The following THBS2 variants were observed in gnomAD, a reference collection of about 807,000 sequenced individuals.
The protein encoded by THBS2 is thrombospondin-2.
A neutral mutation model predicts 135.2 loss-of-function variants in THBS2; 47 were observed. That is an observed-to-expected ratio of 0.35 (90% CI 0.28 to 0.44). The LOEUF (loss-of-function observed/expected upper bound fraction) is 0.44, where lower values mean the gene tolerates loss of function less well. Ranked by LOEUF, THBS2 falls within the 20% of genes least tolerant of loss-of-function variation. The pLI is 1.00. For synonymous variants in THBS2, 639 were observed against 633.8 expected (o/e 1.01, Z -0.12); for missense variants, 1,288 against 1,603.1 (o/e 0.80, Z 3.36).
intron 15 of THBS2, among the ~76,000 whole-genome samples, chr6:169,226,887 G>A (rs903504801): frequency 2.6e-5 from 4 of 152,226 alleles, no homozygotes; most frequent in African/African-American, 7.2e-5. Flanking sequence ...CCAGAACTGA[G>A]CTGAGACGCT....
At chr6:169,247,563 G>C (rs570648529) in intron 3 of THBS2, among the ~76,000 whole-genome samples, 1 of 152,178 alleles carries the variant, frequency 6.6e-6, no homozygotes, top group Admixed American at 6.5e-5. Flanking sequence ...TGTTTGTGTA[G>C]GTATGTAAAT....
At chr6:169,224,074 G>A (rs1018399895) in intron 17 of THBS2, among the ~76,000 whole-genome samples, 14 of 152,124 alleles carry the variant, frequency 9.2e-5, no homozygotes, top group East Asian at 5.8e-4. Flanking sequence ...ATCAGTCTAC[G>A]GCGATGACGA....
intron 3 of THBS2, among the ~76,000 whole-genome samples, chr6:169,248,182 T>C (rs1253181249): frequency 1.3e-5 from 2 of 151,856 alleles, no homozygotes; most frequent in African/African-American, 4.8e-5. Flanking sequence ...TGTTTGTGTG[T>C]GTGTGTGGTG....
intron 21 of THBS2, chr6:169,219,946 A>G (rs531075264): frequency 3.8e-5 from 23 of 599,200 alleles, no homozygotes; most frequent in African/African-American, 3.7e-4. Flanking sequence ...TGGCACAATG[A>G]GGATGGGTGG....
At chr6:169,220,139 C>T in intron 21 of THBS2, 59 bp downstream of exon 21, 2 of 1,584,526 alleles carry the variant, frequency 1.3e-6, no homozygotes, top group Non-Finnish European at 1.7e-6. Context: ...CACTGTGTAC[C>T]CCTTTCCCTT....
rs1485357321 is a variant in THBS2, at chr6:169,217,346, T to G, written c.*476A>C. The stretch of plus-strand genomic sequence containing the variant: ...TATAATTTATTTAATGGGATTTGTG[T>G]GTCATTGTAGAGCAACTCTAATTCA... On this transcript the variant is annotated 3_prime_UTR_variant, in exon 22 of 22. Transcript: ENST00000617924. The G allele has an allele frequency of 6.4e-6, 1 of 155,916 alleles. No individual in the cohort carries two copies. Among genetic ancestry groups the G allele is most frequent in the African/African-American group, 2.4e-5 (1 of 41,588 alleles). The allele number at this position is 155,916 out of a possible 1,614,324, so 9.7% of individuals were successfully genotyped here. A position where few individuals can be genotyped will look rare whatever the true frequency, so the allele number is the denominator to read the frequency against.
At chr6:169,227,955 C>T (rs1239586095) in intron 15 of THBS2, among the ~76,000 whole-genome samples, 167 bp downstream of exon 15, 7 of 152,086 alleles carry the variant, frequency 4.6e-5, no homozygotes, top group Non-Finnish European at 7.4e-5. Context: ...GTGGTGTGCA[C>T]CTGTGATCCC....
chr6:169,217,640 G>GAT lies in THBS2; in HGVS notation c.*180_*181dup. On this transcript the variant is annotated 3_prime_UTR_variant, in exon 22 of 22. Coordinates refer to ENST00000617924, the MANE Select transcript of THBS2 (RefSeq NM_003247.5). The stretch of plus-strand genomic sequence containing the variant: ...TAGATGTTCATCTCTGAGTTCCATT[G>GAT]ATATTTATCCTCTGAAGGCACTTGG... 1 of 565,100 alleles carries GAT rather than the reference G, an allele frequency of 1.8e-6. No individual in the cohort carries two copies. Among genetic ancestry groups the GAT allele is most frequent in the Non-Finnish European group, 3.1e-6 (1 of 324,534 alleles). 35.0% of individuals were successfully genotyped at this position (565,100 alleles called of 1,614,324 possible). A position where few individuals can be genotyped will look rare whatever the true frequency, so the allele number is the denominator to read the frequency against.
intron 2 of THBS2, among the ~76,000 whole-genome samples, chr6:169,249,953 C>A (rs1780697167): frequency 6.6e-6 from 1 of 151,958 alleles, no homozygotes; most frequent in Non-Finnish European, 1.5e-5. Context: ...TGGCGTGAAC[C>A]CGGGAGGCAG....
Position 169,241,876 on chromosome 6 carries a change from C to T in THBS2, c.777G>A (p.Ser259=), listed in dbSNP as rs61730651. ...HVTTEYVGPS[S]ERRPEVCERS... ...GTTCGCACACCTCGGGCCTCCTCTC[C>T]GAGCTGGGGCCCACGTACTCGGTGG... is the stretch of plus-strand genomic sequence containing the variant. Residue 259 remains serine, a synonymous_variant, in exon 5 of 22, where the codon TCG becomes TCA. Coordinates refer to ENST00000617924, the MANE Select transcript of THBS2 (RefSeq NM_003247.5). This position sits in a 1 kb window ranked among gnomAD's most constrained non-coding sequence, Gnocchi z 5.5. 286,261 of 1,612,152 alleles carry T rather than the reference C, an allele frequency of 0.18. 27,851 individuals carry two copies. The highest frequency in any genetic ancestry group is 0.2 in the Non-Finnish European group (232,097 of 1,179,886).
intron 9 of THBS2, among the ~76,000 whole-genome samples, chr6:169,235,752 C>A (rs1424330399): frequency 2.0e-5 from 3 of 150,188 alleles, no homozygotes; most frequent in African/African-American, 7.4e-5. Flanking sequence ...CCCATCCACA[C>A]TCACTGCCCA....
intron 4 of THBS2, among the ~76,000 whole-genome samples, chr6:169,243,593 GT>G (rs1780451411): frequency 6.6e-6 from 1 of 152,198 alleles, no homozygotes; most frequent in African/African-American, 2.4e-5. Context: ...TCGGATTCAT[GT>G]TGCCCATAAC....
chr6:169,236,405 C>A (rs111162674), intron 9 of THBS2, among the ~76,000 whole-genome samples: 12,278 of 102,600 alleles, frequency 0.12, 1,316 homozygotes, highest in South Asian at 0.13. Context: ...CACTCATTCC[C>A]CCATAAACAC....
intron 4 of THBS2, among the ~76,000 whole-genome samples, chr6:169,245,596 T>C (rs749466616): frequency 3.9e-5 from 6 of 152,086 alleles, no homozygotes; most frequent in South Asian, 4.2e-4. Context: ...ATCGAGACCA[T>C]CTTGGCTAAC....
intron 4 of THBS2, among the ~76,000 whole-genome samples, chr6:169,244,547 T>C (rs913803091): frequency 1.3e-5 from 2 of 151,374 alleles, no homozygotes; most frequent in African/African-American, 4.9e-5. Flanking sequence ...TTTGCATATA[T>C]GTTTTGTTTA....
chr6:169,223,902 C>T (rs1042983857), intron 17 of THBS2, among the ~76,000 whole-genome samples: 3 of 152,146 alleles, frequency 2.0e-5, no homozygotes, highest in Non-Finnish European at 2.9e-5. Context: ...GGCATTAAAG[C>T]GGAACTCACA....
In THBS2 at chr6:169,246,168, A is replaced by T. The variant is rs373118388; in HGVS notation, c.694+29T>A. ...AATAGAAATCCATCCAAGCCAGTAT[A>T]TAAAATGCATTTTTCACAACACACC... is the stretch of plus-strand genomic sequence containing the variant. On this transcript the variant is annotated intron_variant, in intron 4 of 21. Coordinates refer to ENST00000617924, the MANE Select transcript of THBS2 (RefSeq NM_003247.5). 480 of 1,584,860 alleles carry T rather than the reference A, an allele frequency of 3.0e-4. 1 individual carries two copies. The highest frequency in any genetic ancestry group is 3.9e-4 in the Non-Finnish European group (452 of 1,153,726).
Position 169,218,579 on chromosome 6 carries a change from T to C in THBS2, c.3512-750A>G, listed in dbSNP as rs116655679. On this transcript the variant is annotated intron_variant, in intron 21 of 21. Transcript: ENST00000617924. ...AGGTGGATGGGGCTGGGTGGATGGA[T>C]GGATGAGATGGGTGGGTGTGTGGGT... is the stretch of plus-strand genomic sequence containing the variant. 6.9e-3 allele frequency among the ~76,000 whole-genome samples: 774 copies of C among 111,758 alleles called. 9 individuals carry two copies. Among genetic ancestry groups the C allele is most frequent in the African/African-American group, 0.026 (726 of 27,454 alleles). 73.3% of individuals were successfully genotyped at this position (111,758 alleles called of 152,430 possible). A position where few individuals can be genotyped will look rare whatever the true frequency, so the allele number is the denominator to read the frequency against.
intron 10 of THBS2, 171 bp downstream of exon 10, chr6:169,234,563 T>C: frequency 1.4e-6 from 1 of 729,296 alleles, no homozygotes. Context: ...TGTTTTTACA[T>C]TAGAAATACA....
Sources: allele counts gnomAD v4.1 joint callset (sites outside exome capture counted in the v4.1 genomes callset), GRCh38; gene constraint gnomAD v4.1.1; non-coding constraint Gnocchi (gnomAD v3.1); transcripts MANE v1.5; gene names NCBI Gene and HGNC (gene_info 2026-07-23, HGNC 2026-07-21).